Variants in PRKAA2 observed in about 807,000 individuals in gnomAD.
The protein encoded by PRKAA2 is protein kinase AMP-activated catalytic subunit alpha 2, also known as 5'-AMP-activated protein kinase catalytic subunit alpha-2.
In PRKAA2, 40 loss-of-function variants were observed where a neutral mutation model predicts 56.3. That is an observed-to-expected ratio of 0.71 (90% CI 0.55 to 0.92). The LOEUF (loss-of-function observed/expected upper bound fraction) is 0.92, where lower values mean the gene tolerates loss of function less well. Ranked by LOEUF, PRKAA2 falls within the 40% of genes least tolerant of loss-of-function variation. PRKAA2 has a pLI of 0.00. For missense variants in PRKAA2, 542 were observed against 686.9 expected (o/e 0.79, Z 2.36); for synonymous variants, 214 against 234.2 (o/e 0.91, Z 0.79).
At chr1:56,695,402 G>C (rs1644252990) in intron 5 of PRKAA2, among the ~76,000 whole-genome samples, 1 of 151,690 alleles carries the variant, frequency 6.6e-6, no homozygotes, top group Non-Finnish European at 1.5e-5. Context: ...TGTTGCCCAG[G>C]CTGGCCTCAA....
intron 6 of PRKAA2, among the ~76,000 whole-genome samples, chr1:56,697,529 T>G (rs541341309): frequency 1.8e-4 from 27 of 152,198 alleles, no homozygotes; most frequent in Non-Finnish European, 3.4e-4. Context: ...CCACCAGATT[T>G]AATTATAAAA....
rs180996919 is a variant in PRKAA2 at position 56,690,933 on chromosome 1, G to C, written c.237-461G>C. 1.3e-4 allele frequency among the ~76,000 whole-genome samples: 20 copies of C among 152,204 alleles called. No individual in the cohort carries two copies. The East Asian group carries it at 3.9e-3, about 29-fold the overall frequency. ...TTCTTAGCACTTTCATGTATGTTCTGTTTTAGTTTGTTTTGCTGTCAATTC... is the reference window on the plus strand; with the variant it reads ...TTCTTAGCACTTTCATGTATGTTCTCTTTTAGTTTGTTTTGCTGTCAATTC... On this transcript the variant is annotated intron_variant, in intron 2 of 8. Transcript: ENST00000371244.
At position 56,710,411 on chromosome 1, in the gene PRKAA2, AAAAG is replaced by A. The variant is rs1644362145; in HGVS notation, c.*2703_*2706del. The A allele has an allele frequency of 6.6e-6, 1 of 152,240 alleles. No individual in the cohort carries two copies. Among genetic ancestry groups the A allele is most frequent in the South Asian group, 2.1e-4 (1 of 4,822 alleles). 9.4% of individuals were successfully genotyped at this position (152,240 alleles called of 1,614,324 possible). On this transcript the variant is annotated 3_prime_UTR_variant, in exon 9 of 9. Coordinates refer to ENST00000371244, the MANE Select transcript of PRKAA2 (RefSeq NM_006252.4). The stretch of plus-strand genomic sequence containing the variant: ...GACTTTGACAGGTCTTTCTGTGAAA[AAAAG>A]AAAGCCACATAACTTTGTTGAACTT...
intron 1 of PRKAA2, among the ~76,000 whole-genome samples, chr1:56,659,698 G>A (rs1331050267): frequency 6.6e-6 from 1 of 151,962 alleles, no homozygotes; most frequent in Non-Finnish European, 1.5e-5. Context: ...TGAGGCGGGT[G>A]GATTCCTTGA....
At chr1:56,703,131 A>G (rs857149) in intron 6 of PRKAA2, among the ~76,000 whole-genome samples, 148,248 of 152,212 alleles carry the variant, frequency 0.97, 72,212 homozygotes, top group East Asian at 1. Context: ...AACATCAAGC[A>G]CAAAGGCCCA....
chr1:56,701,521 CTATT>C (rs1644293333), intron 6 of PRKAA2, among the ~76,000 whole-genome samples: 2 of 152,106 alleles, frequency 1.3e-5, no homozygotes, highest in South Asian at 2.1e-4. Context: ...CATACTTTGT[CTATT>C]TATCATATAT....
At chr1:56,673,859 GAGAT>G (rs1435000983) in intron 1 of PRKAA2, among the ~76,000 whole-genome samples, 4 of 152,144 alleles carry the variant, frequency 2.6e-5, no homozygotes, top group Non-Finnish European at 5.9e-5. Flanking sequence ...CAGTTTGAAA[GAGAT>G]AGAGATTCCA....
intron 8 of PRKAA2, 119 bp downstream of exon 8, chr1:56,706,337 C>G (rs1644331875): frequency 2.7e-6 from 3 of 1,099,614 alleles, no homozygotes; most frequent in Middle Eastern, 2.1e-4. Context: ...TTTAAGCAAT[C>G]TAGACTTAAC....
chr1:56,688,546 A>T (rs12095026), intron 2 of PRKAA2, among the ~76,000 whole-genome samples: 3,673 of 152,276 alleles, frequency 0.024, 174 homozygotes, highest in African/African-American at 0.084. Context: ...CTAAAGGATG[A>T]TTAGGGCTCA....
chr1:56,714,307 AT>A lies in PRKAA2; in HGVS notation c.*6597del, dbSNP rs1557570639. 2.6e-5 allele frequency: 4 copies of A among 152,114 alleles called. No homozygotes were observed. Among genetic ancestry groups the A allele is most frequent in the African/African-American group, 9.7e-5 (4 of 41,448 alleles). 9.4% of individuals were successfully genotyped at this position (152,114 alleles called of 1,614,324 possible). The stretch of plus-strand genomic sequence containing the variant: ...TCACGTAACCTCATTTAGTTTTTTG[AT>A]TTACAAAATGTGGATAATAACCTAC... On this transcript the variant is annotated 3_prime_UTR_variant, in exon 9 of 9. Transcript: ENST00000371244.
chr1:56,694,891 C>A (rs113167439), intron 5 of PRKAA2, among the ~76,000 whole-genome samples: 3,667 of 152,020 alleles, frequency 0.024, 178 homozygotes, highest in African/African-American at 0.084. Context: ...AGATTATATT[C>A]TTTTCATTAG....
chr1:56,695,910 T>C, intron 5 of PRKAA2, 25 bp from the exon 6 acceptor site: 1 of 1,588,114 alleles, frequency 6.3e-7, no homozygotes, highest in Non-Finnish European at 8.6e-7. Context: ...GCATTTCAGG[T>C]TTGTGTTGTC....
At chr1:56,698,833 C>G (rs1477310880) in intron 6 of PRKAA2, among the ~76,000 whole-genome samples, 1 of 152,118 alleles carries the variant, frequency 6.6e-6, no homozygotes, top group Non-Finnish European at 1.5e-5. Flanking sequence ...TTCACATCTG[C>G]TCTGTGCAAG....
intron 2 of PRKAA2, among the ~76,000 whole-genome samples, chr1:56,689,986 G>A (rs979403371): frequency 9.4e-5 from 14 of 149,676 alleles, no homozygotes; most frequent in African/African-American, 2.0e-4. Flanking sequence ...AAAGTAACGC[G>A]GTGAAACCCC....
At chr1:56,696,235 G>GTC in intron 6 of PRKAA2, 76 bp downstream of exon 6, 1 of 1,406,876 alleles carries the variant, frequency 7.1e-7, no homozygotes, top group Admixed American at 1.8e-5. Context: ...TTCTCCCAAA[G>GTC]TCTCATTTCC....
intron 4 of PRKAA2, among the ~76,000 whole-genome samples, chr1:56,693,323 A>G (rs950096557): frequency 1.3e-5 from 2 of 152,152 alleles, no homozygotes; most frequent in African/African-American, 4.8e-5. Flanking sequence ...AAACTTTTGG[A>G]ACATAATCTC....
At chr1:56,677,383 A>C (rs1557551672) in intron 2 of PRKAA2, among the ~76,000 whole-genome samples, 1 of 152,172 alleles carries the variant, frequency 6.6e-6, no homozygotes, top group Non-Finnish European at 1.5e-5. Context: ...CTGAGTGTCC[A>C]CTTCCTATGA....
chr1:56,692,589 C>A, intron 4 of PRKAA2, 87 bp downstream of exon 4: 3 of 1,358,196 alleles, frequency 2.2e-6, no homozygotes, highest in Non-Finnish European at 3.0e-6. Flanking sequence ...ACTTTTCAAC[C>A]TTGTACGTTC....
At chr1:56,672,742 G>T (rs1644086668) in intron 1 of PRKAA2, among the ~76,000 whole-genome samples, 1 of 152,146 alleles carries the variant, frequency 6.6e-6, no homozygotes, top group African/African-American at 2.4e-5. Flanking sequence ...TCCATGGCTT[G>T]TTAATTAATG....
Sources: gnomAD v4.1 joint callset for allele counts (sites outside exome capture counted in the v4.1 genomes callset) on GRCh38, gnomAD v4.1.1 for gene constraint, MANE v1.5 for transcripts, NCBI Gene and HGNC (gene_info 2026-07-23, HGNC 2026-07-21) for gene names.